The following MLLT10 variants were observed in gnomAD, a reference collection of about 807,000 sequenced individuals.
MLLT10 encodes MLLT10 histone lysine methyltransferase DOT1L cofactor.
A neutral mutation model predicts 129.1 loss-of-function variants in MLLT10; 30 were observed. The observed-to-expected ratio is 0.23, with a 90% CI of 0.17 to 0.32. The LOEUF (loss-of-function observed/expected upper bound fraction) is 0.32. Among genes scored for constraint, MLLT10 ranks in the 10% least tolerant of loss-of-function variants. MLLT10 has a pLI of 1.00. For missense variants in MLLT10, 1,119 were observed against 1,268.3 expected, an observed-to-expected ratio of 0.88 and a Z score of 1.79; for synonymous variants, 490 against 446.4, an observed-to-expected ratio of 1.10 and a Z score of -1.23.
intron 13 of MLLT10, among the ~76,000 whole-genome samples, chr10:21,690,458 G>A (rs886802418): frequency 1.3e-5 from 2 of 152,096 alleles, no homozygotes; most frequent in Non-Finnish European, 2.9e-5. Context: ...TCAGGTATGT[G>A]TAGTAACTTG....
At chr10:21,653,941 T>G (rs1246556905) in intron 9 of MLLT10, among the ~76,000 whole-genome samples, 1 of 152,192 alleles carries the variant, frequency 6.6e-6, no homozygotes, top group African/African-American at 2.4e-5. Context: ...GCTCAGGACC[T>G]CCTGTGTCGA....
At chr10:21,738,480 C>G (rs757747554) in intron 21 of MLLT10, 2 of 1,288,912 alleles carry the variant, frequency 1.6e-6, no homozygotes, top group South Asian at 2.5e-5. Context: ...ACCATGAGGA[C>G]TAAAGGACTG....
chr10:21,615,127 A>G (rs1589241595), intron 7 of MLLT10, among the ~76,000 whole-genome samples: 1 of 152,080 alleles, frequency 6.6e-6, no homozygotes, highest in Non-Finnish European at 1.5e-5. Flanking sequence ...GTGTATTTGT[A>G]AAGGTGAATA....
Position 21,593,658 on chromosome 10 carries a change from A to G in MLLT10, c.296-1673A>G, listed in dbSNP as rs138593348. 2.8e-3 allele frequency among the ~76,000 whole-genome samples: 421 copies of G among 152,028 alleles called. 6 individuals carry two copies. Among genetic ancestry groups the G allele is most frequent in the Non-Finnish European group, 4.6e-4 (31 of 67,976 alleles). On this transcript the variant is annotated intron_variant, in intron 4 of 22. Coordinates refer to ENST00000307729, the MANE Select transcript of MLLT10 (RefSeq NM_001195626.3). ...GAAGAAATTTTAGGCTGGGTGTGGT[A>G]GCTCATGTCTGTATTCCCACCACTT...
intron 10 of MLLT10, 150 bp downstream of exon 10, chr10:21,670,854 G>C: frequency 1.2e-6 from 1 of 861,178 alleles, no homozygotes; most frequent in Non-Finnish European, 1.6e-6. Flanking sequence ...TTACTTTAAA[G>C]ATAGTGTTTC....
chr10:21,561,197 C>A (rs1214142090), intron 3 of MLLT10, among the ~76,000 whole-genome samples: 3 of 152,084 alleles, frequency 2.0e-5, no homozygotes, highest in Admixed American at 1.3e-4. Flanking sequence ...TGAAGATTTT[C>A]CCCTGTGTTT....
chr10:21,540,766 T>C (rs185862920), intron 3 of MLLT10, among the ~76,000 whole-genome samples: 56 of 152,358 alleles, frequency 3.7e-4, no homozygotes, highest in Non-Finnish European at 2.9e-5. Context: ...GTGTTGATTA[T>C]GGAATTAGAC....
intron 14 of MLLT10, among the ~76,000 whole-genome samples, chr10:21,724,923 G>A (rs976950362): frequency 6.6e-6 from 1 of 152,172 alleles, no homozygotes; most frequent in Non-Finnish European, 1.5e-5. Flanking sequence ...AACTTTGGAC[G>A]AGCTCTTCAG....
At chr10:21,543,367 C>T (rs910984607) in intron 3 of MLLT10, among the ~76,000 whole-genome samples, 10 of 152,090 alleles carry the variant, frequency 6.6e-5, no homozygotes, top group Non-Finnish European at 1.2e-4. Context: ...GTGATCCACC[C>T]GCCTCAGCCT....
At chr10:21,555,311 C>T (rs576814753) in intron 3 of MLLT10, among the ~76,000 whole-genome samples, 3 of 152,278 alleles carry the variant, frequency 2.0e-5, no homozygotes, top group African/African-American at 4.8e-5. Context: ...CAGTCCCCAC[C>T]TCCTGGATTC....
chr10:21,645,721 C>T (rs534251322), intron 8 of MLLT10, among the ~76,000 whole-genome samples: 2 of 152,328 alleles, frequency 1.3e-5, no homozygotes, highest in South Asian at 4.1e-4. Context: ...TTGTCCCAGA[C>T]ATTTCTGTCT....
chr10:21,708,668 G>A (rs1051202621), intron 13 of MLLT10: 24 of 985,054 alleles, frequency 2.4e-5, no homozygotes, highest in Middle Eastern at 5.2e-4. Context: ...GTAAGTATAC[G>A]TTGATGTAAT....
At chr10:21,623,880 G>T (rs1353278477) in intron 8 of MLLT10, among the ~76,000 whole-genome samples, 2 of 152,104 alleles carry the variant, frequency 1.3e-5, no homozygotes, top group East Asian at 1.9e-4. Context: ...ACTGATAGTG[G>T]TTAGAAGAAA....
rs761049315 is a variant in MLLT10 at position 21,534,819 on chromosome 10, G to T, written c.160+15G>T. The stretch of plus-strand genomic sequence containing the variant: ...GGTGCATCAAGGTAAACACCCAACC[G>T]CCCGCCGGGGCGCGCCGGCCTGCGC... On this transcript the variant is annotated intron_variant, in intron 2 of 22. Transcript: ENST00000307729. The T allele has an allele frequency of 1.9e-6, 3 of 1,573,434 alleles. No individual in the cohort carries two copies. The highest frequency in any genetic ancestry group is 2.3e-5 in the South Asian group (2 of 88,128).
chr10:21,600,833 C>A (rs1275903328), intron 5 of MLLT10, among the ~76,000 whole-genome samples: 2 of 152,144 alleles, frequency 1.3e-5, no homozygotes, highest in African/African-American at 2.4e-5. Context: ...CTCCAGCCCC[C>A]CTCTCCCCAA....
Position 21,711,536 on chromosome 10 carries a change from G to T in MLLT10, c.1700-2236G>T, listed in dbSNP as rs192698080. Among the ~76,000 whole-genome samples, 48 of 146,084 alleles carry T rather than the reference G, an allele frequency of 3.3e-4. 1 individual carries two copies. The East Asian group carries it at 7.7e-3, about 23-fold the overall frequency. ...TCAGGAGTTTGAAATCAGCCTGTCA[G>T]CATAGTGAGACCCCATCTCTTAACC... On this transcript the variant is annotated intron_variant, in intron 13 of 22. Coordinates refer to ENST00000307729, the MANE Select transcript of MLLT10 (RefSeq NM_001195626.3).
intron 5 of MLLT10, among the ~76,000 whole-genome samples, chr10:21,596,633 G>C (rs1456285478): frequency 6.9e-6 from 1 of 145,728 alleles, no homozygotes; most frequent in Non-Finnish European, 1.5e-5. Flanking sequence ...ATTCTTTCTA[G>C]TAAAAAAAAA....
intron 9 of MLLT10, among the ~76,000 whole-genome samples, chr10:21,668,338 TC>T (rs1286600354): frequency 3.3e-5 from 5 of 152,082 alleles, no homozygotes; most frequent in Non-Finnish European, 7.4e-5. Flanking sequence ...TTTGAGTTGA[TC>T]ATTGTATGTT....
At chr10:21,556,177 T>C (rs1057373200) in intron 3 of MLLT10, among the ~76,000 whole-genome samples, 5 of 152,102 alleles carry the variant, frequency 3.3e-5, no homozygotes, top group Admixed American at 1.3e-4. Context: ...GGTTTCGCCA[T>C]GTTGGCCAGG....
Sources: allele counts gnomAD v4.1 joint callset (sites outside exome capture counted in the v4.1 genomes callset), GRCh38; gene constraint gnomAD v4.1.1; transcripts MANE v1.5; gene names NCBI Gene and HGNC (gene_info 2026-07-23, HGNC 2026-07-21).